Variants in NCOR2 observed in about 807,000 individuals in gnomAD.
The protein encoded by NCOR2 is nuclear receptor corepressor 2.
In NCOR2, 81 loss-of-function variants were observed where a neutral mutation model predicts 262.9. That is an observed-to-expected ratio of 0.31 (90% CI 0.26 to 0.37). NCOR2 has a LOEUF of 0.37. NCOR2 is among the 10% of genes least tolerant of loss of function. NCOR2 has a pLI of 1.00. For missense variants in NCOR2, 3,385 were observed against 3,621.4 expected, an observed-to-expected ratio of 0.93 and a Z score of 1.68; for synonymous variants, 1,659 against 1,559.3, an observed-to-expected ratio of 1.06 and a Z score of -1.51.
chr12:124,516,087 G>A (rs975073720), intron 1 of NCOR2, among the ~76,000 whole-genome samples: 6 of 152,226 alleles, frequency 3.9e-5, no homozygotes, highest in East Asian at 3.8e-4. Context: ...GGCCATTCTC[G>A]AGGTCCCAGG....
exon 34 of NCOR2, chr12:124,341,985 T>C: frequency 6.2e-7 from 1 of 1,613,336 alleles, no homozygotes; most frequent in Non-Finnish European, 8.5e-7. Flanking sequence ...AGCGCCGCCG[T>C]GTCGGGGTAG....
chr12:124,332,460 C>G, exon 43 of NCOR2: 1 of 1,614,164 alleles, frequency 6.2e-7, no homozygotes, highest in Non-Finnish European at 8.5e-7. Context: ...GACTTGGAGC[C>G]CATCCTGCTG....
At chr12:124,363,340 C>T (rs949462742) in intron 21 of NCOR2, among the ~76,000 whole-genome samples, 2 of 152,204 alleles carry the variant, frequency 1.3e-5, no homozygotes, top group Admixed American at 1.3e-4. Flanking sequence ...AACTGGTAGG[C>T]CACCCTTCCC....
chr12:124,429,240 C>T lies in NCOR2; in HGVS notation c.1149+373G>A, dbSNP rs558840277. Among the ~76,000 whole-genome samples, 5 of 152,382 alleles carry T rather than the reference C, an allele frequency of 3.3e-5. No individual in the cohort carries two copies. The East Asian group carries it at 7.7e-4, about 23-fold the overall frequency. ...TGACCCTGGAACCCACAGGCACTCCCGCCCCTTGGGCTTCTGGCTGGACTC... is the reference window on the plus strand; with the variant it reads ...TGACCCTGGAACCCACAGGCACTCCTGCCCCTTGGGCTTCTGGCTGGACTC... On this transcript the variant is annotated intron_variant, in intron 10 of 46. Transcript: ENST00000405201.
intron 1 of NCOR2, among the ~76,000 whole-genome samples, chr12:124,526,904 A>G (rs1236399205): frequency 6.6e-6 from 1 of 152,138 alleles, no homozygotes; most frequent in Non-Finnish European, 1.5e-5. Context: ...CAACTGTACA[A>G]TGGGTCTAAG....
chr12:124,426,545 C>A, intron 11 of NCOR2, 77 bp downstream of exon 13: 1 of 1,373,912 alleles, frequency 7.3e-7, no homozygotes, highest in Non-Finnish European at 9.7e-7. Flanking sequence ...TTTGTGGTGG[C>A]TGCCGGGAGA....
rs2136160652 is a variant in NCOR2 at position 124,393,449 on chromosome 12, C to T, written c.1876+4670G>A. On this transcript the variant is annotated intron_variant, in intron 16 of 46. Transcript: ENST00000405201. Reference sequence around the variant, plus strand: ...CATGTCCCCAGCCCCTCCCCAGTGGCCTCCCACGCTCTAGAGTAATAGCTA... The same window carrying T: ...CATGTCCCCAGCCCCTCCCCAGTGGTCTCCCACGCTCTAGAGTAATAGCTA... 1.3e-5 allele frequency among the ~76,000 whole-genome samples: 2 copies of T among 152,354 alleles called. 1 individual carries two copies. Among genetic ancestry groups the T allele is most frequent in the Middle Eastern group, 6.8e-3 (2 of 294 alleles).
rs760499167 is a variant in NCOR2, at chr12:124,388,739, G to A, written c.1877-2852C>T. The A allele has an allele frequency of 2.0e-5, 26 of 1,304,206 alleles. No homozygotes were observed. The South Asian group carries it at 2.8e-4, about 14-fold the overall frequency. The allele number at this position is 1,304,206 out of a possible 1,614,324, so 80.8% of individuals were successfully genotyped here. ...AAGTTTTCCGGAAACATAGGGCTGGGAAGATGCCCCAGGGAGCGGGCCGAA... is the reference window on the plus strand; with the variant it reads ...AAGTTTTCCGGAAACATAGGGCTGGAAAGATGCCCCAGGGAGCGGGCCGAA... On this transcript the variant is annotated intron_variant, in intron 16 of 46. Coordinates refer to ENST00000405201, the Ensembl canonical transcript of NCOR2.
In NCOR2 at chr12:124,483,243, C is replaced by A. The variant is rs1325118216; in HGVS notation, c.411+353G>T. Among the ~76,000 whole-genome samples, 2 of 152,208 alleles carry A rather than the reference C, an allele frequency of 1.3e-5. No individual in the cohort carries two copies. Among genetic ancestry groups the A allele is most frequent in the South Asian group, 2.1e-4 (1 of 4,822 alleles). ...ACCACAGGACGGTCCTGACCCCCAT[C>A]GAATGGCAGCTCTCTGCTCCACGGC... On this transcript the variant is annotated intron_variant, in intron 3 of 46. Coordinates refer to ENST00000405201, the Ensembl canonical transcript of NCOR2. The surrounding 1 kb of genome is among the most constrained non-coding windows in gnomAD (Gnocchi z 6.3).
At chr12:124,475,952 G>C (rs895273252) in intron 3 of NCOR2, among the ~76,000 whole-genome samples, 2 of 152,222 alleles carry the variant, frequency 1.3e-5, no homozygotes, top group Non-Finnish European at 2.9e-5. Context: ...CGCCAAAGCA[G>C]CACCCCTTCC....
intron 1 of NCOR2, among the ~76,000 whole-genome samples, chr12:124,558,266 A>T (rs1458132751): frequency 1.8e-5 from 2 of 112,998 alleles, no homozygotes; most frequent in East Asian, 2.7e-4. Context: ...TCTCCCACCC[A>T]CCCCCCCTCC....
In NCOR2 at chr12:124,333,359, G is replaced by A. The variant is rs2035393426; in HGVS notation, c.6606-80C>T. On this transcript the variant is annotated intron_variant, in intron 41 of 46. Transcript: ENST00000405201. ...CACCCTCCCTCCACTCTAAACCAGG[G>A]CCCCACACGCTTTTCCTGTACGTGG... is the stretch of plus-strand genomic sequence containing the variant. 4.6e-6 allele frequency: 6 copies of A among 1,296,806 alleles called. No homozygotes were observed. The South Asian group carries it at 9.4e-5, about 20-fold the overall frequency. The allele number at this position is 1,296,806 out of a possible 1,614,324, so 80.3% of individuals were successfully genotyped here.
Position 124,389,732 on chromosome 12 carries a change from C to A in NCOR2, c.1877-3845G>T, listed in dbSNP as rs1311289443. 6.6e-6 allele frequency among the ~76,000 whole-genome samples: 1 copy of A among 152,142 alleles called. No homozygotes were observed. Among genetic ancestry groups the A allele is most frequent in the East Asian group, 1.9e-4 (1 of 5,186 alleles). On this transcript the variant is annotated intron_variant, in intron 16 of 46. Coordinates refer to ENST00000405201, the Ensembl canonical transcript of NCOR2. This position sits in a 1 kb window ranked among gnomAD's most constrained non-coding sequence, Gnocchi z 4.4. Reference sequence around the variant, plus strand: ...GAGCCTTTGCAGGGTGCACATGAGACCGCCAACCATTTAGGGGAGGGGGAA... The same window carrying A: ...GAGCCTTTGCAGGGTGCACATGAGAACGCCAACCATTTAGGGGAGGGGGAA...
At chr12:124,445,941 G>C (rs1242096527) in intron 7 of NCOR2, among the ~76,000 whole-genome samples, 1 of 152,250 alleles carries the variant, frequency 6.6e-6, no homozygotes, top group Non-Finnish European at 1.5e-5. Flanking sequence ...TAGAGGGCAA[G>C]TGACTTCCCA....
chr12:124,525,706 G>A (rs1015183121), intron 1 of NCOR2, among the ~76,000 whole-genome samples: 5 of 152,340 alleles, frequency 3.3e-5, no homozygotes, highest in Non-Finnish European at 5.9e-5. Flanking sequence ...AGTGATCGGC[G>A]TACCCACGGG....
intron 8 of NCOR2, among the ~76,000 whole-genome samples, chr12:124,433,845 TACACACACAC>T (rs1204258133): frequency 4.5e-3 from 83 of 18,276 alleles, no homozygotes; most frequent in African/African-American, 6.1e-3. Context: ...CTCTCTGTCT[TACACACACAC>T]ACACACACAC....
At chr12:124,439,910 G>T (rs1489914632) in intron 7 of NCOR2, among the ~76,000 whole-genome samples, 1 of 152,056 alleles carries the variant, frequency 6.6e-6, no homozygotes, top group East Asian at 1.9e-4. Context: ...GGGAGCCCTG[G>T]AGAGTAGAGG....
At position 124,440,812 on chromosome 12, in the gene NCOR2, G is replaced by T. The variant is rs1319324550; in HGVS notation, c.816-2816C>A. Among the ~76,000 whole-genome samples the T allele has an allele frequency of 6.6e-6, 1 of 152,212 alleles. No homozygotes were observed. The highest frequency in any genetic ancestry group is 2.4e-5 in the African/African-American group (1 of 41,442). On this transcript the variant is annotated intron_variant, in intron 7 of 46. Coordinates refer to ENST00000405201, the Ensembl canonical transcript of NCOR2. This position sits in a 1 kb window ranked among gnomAD's most constrained non-coding sequence, Gnocchi z 5.7. The stretch of plus-strand genomic sequence containing the variant: ...TGGTGCAGAAAGATCTCCCAGAGAG[G>T]ATGGCCTTGAGCTGGGATCTACGTC...
chr12:124,459,620 C>T (rs1011849962), intron 5 of NCOR2, among the ~76,000 whole-genome samples: 3 of 152,204 alleles, frequency 2.0e-5, no homozygotes, highest in Admixed American at 6.5e-5. Context: ...GGGTACCAAA[C>T]TCCCATGACC....
Sources: gnomAD v4.1 joint callset for allele counts (sites outside exome capture counted in the v4.1 genomes callset) on GRCh38, gnomAD v4.1.1 for gene constraint, Gnocchi (gnomAD v3.1) non-coding constraint, MANE v1.5 for transcripts, NCBI Gene and HGNC (gene_info 2026-07-23, HGNC 2026-07-21) for gene names.